The following CNTNAP3B variants were observed in gnomAD, a reference collection of about 807,000 sequenced individuals.
The protein encoded by CNTNAP3B is contactin-associated protein-like 3B.
CNTNAP3B carries 25 observed loss-of-function variants against 108.9 expected under a neutral mutation model. That is an observed-to-expected ratio of 0.23 (90% CI 0.17 to 0.32). The LOEUF (loss-of-function observed/expected upper bound fraction) is 0.32. Ranked by LOEUF, CNTNAP3B falls within the 10% of genes least tolerant of loss-of-function variation. The pLI is 1.00. For missense variants in CNTNAP3B, 252 were observed against 1,210.4 expected, an observed-to-expected ratio of 0.21 and a Z score of 11.75; for synonymous variants, 103 against 473.4, an observed-to-expected ratio of 0.22 and a Z score of 10.16.
intron 12 of CNTNAP3B, among the ~76,000 whole-genome samples, chr9:41,957,886 G>T (rs1351027117): frequency 1.1e-4 from 16 of 152,056 alleles, no homozygotes; most frequent in African/African-American, 3.4e-4. Context: ...TCAGCCTCCC[G>T]AGTAGCTGGG....
At chr9:42,110,349 C>CTAAG (rs1209797192) in intron 1 of CNTNAP3B, among the ~76,000 whole-genome samples, 1 of 136,950 alleles carries the variant, frequency 7.3e-6, no homozygotes, top group East Asian at 2.2e-4. Context: ...GTGAAAGGAG[C>CTAAG]TAAGCACTGT....
In CNTNAP3B at chr9:42,097,006, C is replaced by T. The variant is rs1387193649; in HGVS notation, c.196+7623G>A. 1.5e-5 allele frequency among the ~76,000 whole-genome samples: 2 copies of T among 135,816 alleles called. 1 individual carries two copies. The highest frequency in any genetic ancestry group is 6.0e-5 in the African/African-American group (2 of 33,602). 89.1% of individuals were successfully genotyped at this position (135,816 alleles called of 152,430 possible). ...GCTCAAGGTGATCCAACCGCCTCAGCCTCCCAAAGTGCTGGGATTACAGGC... is the reference window on the plus strand; with the variant it reads ...GCTCAAGGTGATCCAACCGCCTCAGTCTCCCAAAGTGCTGGGATTACAGGC... On this transcript the variant is annotated intron_variant, in intron 2 of 23. Transcript: ENST00000377561.
Position 41,960,864 on chromosome 9 carries a change from G to C in CNTNAP3B, c.1785C>G (p.His595Gln), listed in dbSNP as rs1475899390. The part of the protein sequence containing the change: ...SSLYEQSCEA[H>Q]KHRGNPSGLY... ...GCCCGGATGGGTTCCCTCGGTGCTT[G>C]TGGGCTTCACAAGACTGCTCGTAGA... is the stretch of plus-strand genomic sequence containing the variant. The change falls in exon 12 of 24, where the codon CAC (histidine) becomes CAG (glutamine). Residue 595 changes from histidine to glutamine, a missense_variant. Physicochemically the swap from His to Gln is conservative, Grantham distance 24. Coordinates refer to ENST00000377561, the MANE Select transcript of CNTNAP3B (RefSeq NM_001201380.3). The C allele has an allele frequency of 6.2e-7, 1 of 1,603,050 alleles. No homozygotes were observed. Among genetic ancestry groups the C allele is most frequent in the African/African-American group, 1.3e-5 (1 of 74,146 alleles).
At chr9:41,939,175 C>T (rs1224120133) in intron 13 of CNTNAP3B, among the ~76,000 whole-genome samples, 1 of 152,272 alleles carries the variant, frequency 6.6e-6, no homozygotes, top group Non-Finnish European at 1.5e-5. Flanking sequence ...CAGCACATCA[C>T]AGTAAAGTTA....
At chr9:41,930,429 G>A (rs1270858285) in intron 14 of CNTNAP3B, among the ~76,000 whole-genome samples, 2 of 152,422 alleles carry the variant, frequency 1.3e-5, no homozygotes, top group South Asian at 4.1e-4. Context: ...TGTAGTCCCA[G>A]CTACATGGGA....
At chr9:42,111,261 C>CCATT (rs1390823584) in intron 1 of CNTNAP3B, among the ~76,000 whole-genome samples, 1 of 139,294 alleles carries the variant, frequency 7.2e-6, no homozygotes, top group African/African-American at 2.9e-5. Context: ...GGAGAAATAC[C>CCATT]CATTCATTCA....
intron 14 of CNTNAP3B, among the ~76,000 whole-genome samples, chr9:41,932,895 A>C (rs1824024950): frequency 6.6e-6 from 1 of 152,298 alleles, no homozygotes; most frequent in South Asian, 2.1e-4. Flanking sequence ...CCACTTAAAA[A>C]ATTTCTAGAT....
At chr9:41,964,783 G>A (rs1825218422) in intron 10 of CNTNAP3B, 139 bp from the exon 11 acceptor site, 2 of 995,368 alleles carry the variant, frequency 2.0e-6, no homozygotes, top group East Asian at 2.7e-5. Context: ...CTGCCATCAA[G>A]GTTCTCTAAT....
intron 18 of CNTNAP3B, among the ~76,000 whole-genome samples, chr9:41,917,045 C>T (rs1336690842): frequency 6.6e-6 from 1 of 152,288 alleles, no homozygotes; most frequent in South Asian, 2.1e-4. Context: ...CTGTATTTCA[C>T]TGAGCTTCTG....
At chr9:41,954,985 C>G (rs1365093353) in intron 12 of CNTNAP3B, among the ~76,000 whole-genome samples, 2 of 151,660 alleles carry the variant, frequency 1.3e-5, no homozygotes, top group Non-Finnish European at 2.9e-5. Context: ...CACGCCTGGC[C>G]TCATTTTAGA....
rs1250620010 is a variant in CNTNAP3B at position 41,951,241 on chromosome 9, AT to A, written c.2080+1941del. Among the ~76,000 whole-genome samples the A allele has an allele frequency of 3.4e-5, 5 of 145,612 alleles. 1 individual carries two copies. Among genetic ancestry groups the A allele is most frequent in the East Asian group, 4.0e-4 (2 of 5,006 alleles). On this transcript the variant is annotated intron_variant, in intron 13 of 23. Transcript: ENST00000377561. ...TATGTAAATCTACAATTATCTCAAA[AT>A]TTTTTTTAAATTATCTTTTCAAAAG...
chr9:41,942,543 G>A lies in CNTNAP3B; in HGVS notation c.2081-4143C>T, dbSNP rs1248002841. ...GGAGAATGGCGTGAACCCGGGAGAC[G>A]GAGCTTGCAGTCAGCTGAGATGGCG... On this transcript the variant is annotated intron_variant, in intron 13 of 23. Coordinates refer to ENST00000377561, the MANE Select transcript of CNTNAP3B (RefSeq NM_001201380.3). Among the ~76,000 whole-genome samples the A allele has an allele frequency of 7.1e-4, 107 of 150,238 alleles. 1 individual carries two copies. The highest frequency in any genetic ancestry group is 2.3e-3 in the African/African-American group (93 of 40,438).
rs1232775086 is a variant in CNTNAP3B at position 41,957,998 on chromosome 9, G to T, written c.1876+2775C>A. Among the ~76,000 whole-genome samples, 3 of 152,402 alleles carry T rather than the reference G, an allele frequency of 2.0e-5. No individual in the cohort carries two copies. The East Asian group carries it at 5.8e-4, about 29-fold the overall frequency. On this transcript the variant is annotated intron_variant, in intron 12 of 23. Transcript: ENST00000377561. ...AGGATGGTCTCGATCTCCTGACCTCGTGATCCGCCTGCCTCAGCCTCCCAC... is the reference window on the plus strand; with the variant it reads ...AGGATGGTCTCGATCTCCTGACCTCTTGATCCGCCTGCCTCAGCCTCCCAC...
chr9:41,935,515 T>A (rs994749591), intron 14 of CNTNAP3B, among the ~76,000 whole-genome samples: 1 of 152,294 alleles, frequency 6.6e-6, no homozygotes, highest in African/African-American at 2.4e-5. Context: ...ATTATTACAA[T>A]TATAAATCTT....
chr9:42,086,437 T>G (rs1386942064), intron 2 of CNTNAP3B, among the ~76,000 whole-genome samples: 3 of 139,404 alleles, frequency 2.2e-5, no homozygotes, highest in Non-Finnish European at 4.6e-5. Context: ...TTTACTTTTT[T>G]TTTTTACATT....
intron 3 of CNTNAP3B, among the ~76,000 whole-genome samples, chr9:42,024,283 T>A (rs1417714331): frequency 1.0e-5 from 1 of 96,812 alleles, no homozygotes; most frequent in African/African-American, 3.9e-5. Flanking sequence ...AAAATATTTG[T>A]TCCTGGGATC....
chr9:42,096,475 C>T (rs1587269042), intron 2 of CNTNAP3B, among the ~76,000 whole-genome samples: 2 of 138,208 alleles, frequency 1.4e-5, no homozygotes, highest in Middle Eastern at 7.0e-3. Context: ...ACAGTCTCTG[C>T]AATGATCCCC....
At chr9:42,079,306 G>A (rs1431981532) in intron 2 of CNTNAP3B, among the ~76,000 whole-genome samples, 2 of 135,308 alleles carry the variant, frequency 1.5e-5, no homozygotes, top group African/African-American at 2.9e-5. Flanking sequence ...GAAAGCTGAG[G>A]GTGCAGTGCC....
chr9:42,034,186 G>GTATGTATCTATCTATCTATCTATC (rs1554751811), intron 3 of CNTNAP3B, among the ~76,000 whole-genome samples: 2 of 124,270 alleles, frequency 1.6e-5, no homozygotes, highest in East Asian at 2.7e-4. Context: ...ATGTATATAT[G>GTATGTATCTATCTATCTATCTATC]TATCTATCTA....
Sources: allele counts gnomAD v4.1 joint callset (sites outside exome capture counted in the v4.1 genomes callset), GRCh38; gene constraint gnomAD v4.1.1; transcripts MANE v1.5; gene names NCBI Gene and HGNC (gene_info 2026-07-23, HGNC 2026-07-21).